The following GLRA3 variants were observed in gnomAD, a reference collection of about 807,000 sequenced individuals.
The protein encoded by GLRA3 is glycine receptor alpha 3.
GLRA3 carries 44 observed loss-of-function variants against 60.4 expected under a neutral mutation model. The ratio of observed to expected loss-of-function variants is 0.73; its 90% confidence interval spans 0.57 to 0.94. The LOEUF (loss-of-function observed/expected upper bound fraction) is 0.94, where lower values mean the gene tolerates loss of function less well. Ranked by LOEUF, GLRA3 falls within the 40% of genes least tolerant of loss-of-function variation. The probability of loss-of-function intolerance (pLI) is 0.00; values close to 1 mark genes in which losing one functional copy is unlikely to be tolerated. For missense variants in GLRA3, 508 were observed against 564.6 expected (o/e 0.90, Z 1.02); for synonymous variants, 223 against 192.9 (o/e 1.16, Z -1.29).
chr4:174,702,835 A>G (rs76976795), intron 5 of GLRA3, among the ~76,000 whole-genome samples: 7,304 of 152,298 alleles, frequency 0.048, 264 homozygotes, highest in South Asian at 0.14. Flanking sequence ...AAAATATTTT[A>G]AATTCTATTG....
intron 1 of GLRA3, among the ~76,000 whole-genome samples, chr4:174,819,217 C>T (rs1740637161): frequency 6.6e-6 from 1 of 152,166 alleles, no homozygotes; most frequent in South Asian, 2.1e-4. Context: ...AGAATATGTT[C>T]TTCCCTAACA....
At chr4:174,685,513 G>C (rs6853281) in intron 5 of GLRA3, among the ~76,000 whole-genome samples, 1 of 152,012 alleles carries the variant, frequency 6.6e-6, no homozygotes, top group African/African-American at 2.4e-5. Flanking sequence ...AAGGAAGCAC[G>C]CATCTACATC....
chr4:174,663,259 CT>C (rs1283665913), intron 7 of GLRA3, among the ~76,000 whole-genome samples: 1 of 152,118 alleles, frequency 6.6e-6, no homozygotes, highest in Non-Finnish European at 1.5e-5. Context: ...AAATGTCCAT[CT>C]GTTTGCAAGT....
chr4:174,773,351 T>G (rs950969876), intron 2 of GLRA3, among the ~76,000 whole-genome samples: 8 of 151,586 alleles, frequency 5.3e-5, no homozygotes, highest in Non-Finnish European at 1.2e-4. Flanking sequence ...GGCCCTTAAG[T>G]TTAAGAAATG....
At position 174,754,949 on chromosome 4, in the gene GLRA3, G is replaced by A. The variant is rs374902728; in HGVS notation, c.267+12014C>T. On this transcript the variant is annotated intron_variant, in intron 3 of 9. Transcript: ENST00000274093. ...ATGCGTGAAAGAGCAAATGCTTTTA[G>A]AAGAAAGATTATAGAATTACACTGA... Among the ~76,000 whole-genome samples, 13 of 152,148 alleles carry A rather than the reference G, an allele frequency of 8.5e-5. No individual in the cohort carries two copies. In the South Asian group the frequency reaches 2.3e-3, roughly 27 times the overall value.
intron 7 of GLRA3, among the ~76,000 whole-genome samples, chr4:174,672,023 A>T (rs964323653): frequency 6.6e-6 from 1 of 152,156 alleles, no homozygotes; most frequent in African/African-American, 2.4e-5. Context: ...GAGAAAGGTA[A>T]AAGGTTCTAA....
chr4:174,744,959 G>T (rs28860848), intron 3 of GLRA3, among the ~76,000 whole-genome samples: 1 of 152,028 alleles, frequency 6.6e-6, no homozygotes, highest in East Asian at 1.9e-4. Context: ...AGCTATCTTA[G>T]TGAAGAACCA....
chr4:174,684,020 G>C (rs1734458210), intron 5 of GLRA3, among the ~76,000 whole-genome samples: 1 of 152,028 alleles, frequency 6.6e-6, no homozygotes, highest in Non-Finnish European at 1.5e-5. Flanking sequence ...GTTTGGGCCA[G>C]ACACATTATA....
intron 3 of GLRA3, among the ~76,000 whole-genome samples, chr4:174,757,210 TTTA>T (rs1207781269): frequency 6.6e-6 from 1 of 152,202 alleles, no homozygotes; most frequent in Non-Finnish European, 1.5e-5. Context: ...TATTGCAAAA[TTTA>T]TTGTTTGCCC....
intron 1 of GLRA3, among the ~76,000 whole-genome samples, chr4:174,816,904 G>A (rs998076715): frequency 1.3e-5 from 2 of 152,000 alleles, no homozygotes; most frequent in Non-Finnish European, 2.9e-5. Context: ...TTTGATACAG[G>A]CATGTGATAT....
intron 3 of GLRA3, among the ~76,000 whole-genome samples, chr4:174,763,148 G>A (rs953966441): frequency 3.9e-5 from 6 of 152,096 alleles, no homozygotes; most frequent in Admixed American, 6.6e-5. Context: ...AACTAGATGG[G>A]AGTTAAGGAC....
chr4:174,672,983 GATA>G (rs1197803669), intron 7 of GLRA3, among the ~76,000 whole-genome samples: 4 of 151,966 alleles, frequency 2.6e-5, no homozygotes, highest in Non-Finnish European at 4.4e-5. Context: ...TCTCTGATAT[GATA>G]ATAAGTTTAA....
At chr4:174,687,870 A>C (rs1347949520) in intron 5 of GLRA3, among the ~76,000 whole-genome samples, 1 of 152,200 alleles carries the variant, frequency 6.6e-6, no homozygotes, top group African/African-American at 2.4e-5. Context: ...GACCCATTCA[A>C]AGTGCAAGGT....
chr4:174,783,196 C>T (rs987894775), intron 2 of GLRA3, among the ~76,000 whole-genome samples: 10 of 151,324 alleles, frequency 6.6e-5, no homozygotes, highest in Non-Finnish European at 1.3e-4. Flanking sequence ...TTTGACAAAC[C>T]TGAGAAAAAC....
At chr4:174,818,412 T>C (rs866194521) in intron 1 of GLRA3, among the ~76,000 whole-genome samples, 3 of 152,324 alleles carry the variant, frequency 2.0e-5, no homozygotes, top group Non-Finnish European at 2.9e-5. Context: ...GAATGATATG[T>C]ACTTTGCCCT....
chr4:174,756,649 C>CTT (rs36089597), intron 3 of GLRA3, among the ~76,000 whole-genome samples: 80,237 of 142,448 alleles, frequency 0.56, 22,927 homozygotes, highest in Middle Eastern at 0.7. Context: ...TCTTTTTTTT[C>CTT]TTTTTTTTTT....
At chr4:174,759,718 T>C (rs1239385960) in intron 3 of GLRA3, among the ~76,000 whole-genome samples, 3 of 152,156 alleles carry the variant, frequency 2.0e-5, no homozygotes, top group Non-Finnish European at 2.9e-5. Flanking sequence ...AGTGCAGGCA[T>C]AGACAAATAG....
rs138590461 is a variant in GLRA3 at position 174,728,286 on chromosome 4, T to C, written c.491+189A>G. On this transcript the variant is annotated intron_variant, in intron 4 of 9. Transcript: ENST00000274093. Reference sequence around the variant, plus strand: ...GATTTCCAAGAATTACTTATATAGTTCCTGAATCTGGAACTTGGGTCTGTT... The same window carrying C: ...GATTTCCAAGAATTACTTATATAGTCCCTGAATCTGGAACTTGGGTCTGTT... Among the ~76,000 whole-genome samples the C allele has an allele frequency of 1.8e-3, 280 of 152,308 alleles. 1 individual carries two copies. Among genetic ancestry groups the C allele is most frequent in the African/African-American group, 6.4e-3 (267 of 41,576 alleles).
intron 1 of GLRA3, among the ~76,000 whole-genome samples, chr4:174,797,093 C>G (rs997048397): frequency 4.6e-5 from 7 of 152,062 alleles, no homozygotes; most frequent in African/African-American, 1.7e-4. Flanking sequence ...ATCATTTGTA[C>G]ACACATATTC....
Sources: allele counts gnomAD v4.1 joint callset (sites outside exome capture counted in the v4.1 genomes callset), GRCh38; gene constraint gnomAD v4.1.1; transcripts MANE v1.5; gene names NCBI Gene and HGNC (gene_info 2026-07-23, HGNC 2026-07-21).